The following SHOX variants were observed in gnomAD, a reference collection of about 807,000 sequenced individuals.
SHOX encodes the protein SHOX homeobox.
SHOX carries 12 observed loss-of-function variants against 29.6 expected under a neutral mutation model. The ratio of observed to expected loss-of-function variants is 0.41; its 90% CI spans 0.26 to 0.66. The LOEUF (loss-of-function observed/expected upper bound fraction) is 0.66, where lower values mean the gene tolerates loss of function less well. Among genes scored for constraint, SHOX ranks in the 30% least tolerant of loss-of-function variants. The pLI is 0.35. For synonymous variants in SHOX, 214 were observed against 200.6 expected (o/e 1.07, Z -0.57); for missense variants, 499 against 437.7 (o/e 1.14, Z -1.25).
Position 650,369 on chromosome X carries a change from A to G in SHOX, c.*5733A>G, listed in dbSNP as rs371479429. Among the ~76,000 whole-genome samples, 11 of 152,066 alleles carry G rather than the reference A, an allele frequency of 7.2e-5. 1 individual carries two copies. The highest frequency in any genetic ancestry group is 5.8e-4 in the East Asian group (3 of 5,148). On this transcript the variant is annotated 3_prime_UTR_variant, in exon 5 of 5. Transcript: ENST00000686671. ...CCAGCCAGGCCCCCGAAATGGTCCC[A>G]TTTCCTTGGAAGCCTGAGTTTCTGT...
At chrX:656,249 C>T (rs924487816), downstream of SHOX, among the ~76,000 whole-genome samples, 1 of 147,736 alleles carries the variant, frequency 6.8e-6, no homozygotes, top group African/African-American at 2.5e-5. Flanking sequence ...CGAGACCAAC[C>T]TCAGCAACAA....
chrX:656,050 T>C (rs1158635824), downstream of SHOX, among the ~76,000 whole-genome samples: 4 of 145,974 alleles, frequency 2.7e-5, no homozygotes, highest in African/African-American at 7.8e-5. Context: ...TGGTGACTCA[T>C]GCCTGTAATC....
intron 2 of SHOX, among the ~76,000 whole-genome samples, chrX:637,826 T>C (rs1228972760): frequency 6.6e-6 from 1 of 152,166 alleles, no homozygotes. Flanking sequence ...GGATAGAGTT[T>C]CAATTTACTG....
At position 649,863 on chromosome X, in the gene SHOX, C is replaced by T. The variant is rs1368749597; in HGVS notation, c.*5227C>T. The T allele has an allele frequency of 6.6e-6, 3 of 455,092 alleles. No homozygotes were observed. The highest frequency in any genetic ancestry group is 2.0e-5 in the African/African-American group (1 of 50,016). The allele number at this position is 455,092 out of a possible 1,614,324, so 28.2% of individuals were successfully genotyped here. ...GCAGTTGAGCAAAAAACACTTCTTC[C>T]TTTGAGTGGCTGTTCTGGTGAAATC... is the stretch of plus-strand genomic sequence containing the variant. On this transcript the variant is annotated 3_prime_UTR_variant, in exon 5 of 5. Coordinates refer to ENST00000686671, the MANE Select transcript of SHOX (RefSeq NM_000451.4).
chrX:640,885 G>A lies in SHOX; in HGVS notation c.544+7G>A. 1.2e-6 allele frequency: 2 copies of A among 1,613,936 alleles called. No individual in the cohort carries two copies. The highest frequency in any genetic ancestry group is 1.7e-6 in the Non-Finnish European group (2 of 1,179,870). On this transcript the variant is annotated splice_region_variant and intron_variant, in intron 3 of 4. Transcript: ENST00000686671. ...GAGAATCAGATGCATAAAGGTGGGTGTCGGGACTGGGGGGACCTGAAGCTG... is the reference window on the plus strand; with the variant it reads ...GAGAATCAGATGCATAAAGGTGGGTATCGGGACTGGGGGGACCTGAAGCTG...
At chrX:636,947 A>AAAAAAAATAT (rs1556463874) in intron 2 of SHOX, among the ~76,000 whole-genome samples, 1 of 78,956 alleles carries the variant, frequency 1.3e-5, no homozygotes, top group East Asian at 4.0e-4. Context: ...TTCATTTAAA[A>AAAAAAAATAT]ATATATATAT....
intron 1 of SHOX, among the ~76,000 whole-genome samples, chrX:633,649 C>G (rs1290082553): frequency 3.3e-5 from 5 of 152,050 alleles, no homozygotes; most frequent in African/African-American, 1.2e-4. Context: ...ACTAAACTTC[C>G]AAATGTCAGC....
intron 4 of SHOX, among the ~76,000 whole-genome samples, chrX:644,151 G>C (rs2052919659): frequency 6.6e-6 from 1 of 152,152 alleles, no homozygotes; most frequent in Non-Finnish European, 1.5e-5. Context: ...CCTCCCATGC[G>C]CTTTGCAGGG....
intron 4 of SHOX, among the ~76,000 whole-genome samples, chrX:642,812 G>A (rs754148567): frequency 6.6e-5 from 10 of 152,044 alleles, no homozygotes; most frequent in African/African-American, 2.2e-4. Flanking sequence ...AAGAGGCTTG[G>A]ACACCTGGTG....
At chrX:657,078 C>T (rs866320791) in intron 5 of SHOX, among the ~76,000 whole-genome samples, 2 of 48,466 alleles carry the variant, frequency 4.1e-5, no homozygotes, top group Non-Finnish European at 7.7e-5. Context: ...AGCAAGACTC[C>T]GTCTCAAAAA....
chrX:625,626 T>C (rs755319840), intron 1 of SHOX, among the ~76,000 whole-genome samples: 1 of 151,396 alleles, frequency 6.6e-6, no homozygotes, highest in South Asian at 2.1e-4. Flanking sequence ...TCTGTCTCTG[T>C]CTGTATCTCT....
chrX:631,370 G>C (rs1472088146), intron 1 of SHOX, among the ~76,000 whole-genome samples, 196 bp downstream of exon 1: 1 of 152,180 alleles, frequency 6.6e-6, no homozygotes, highest in Non-Finnish European at 1.5e-5. Context: ...GCGGGTGGTG[G>C]GTAGCGGGGT....
rs1469067058 is a variant in SHOX, at chrX:651,285, T to C, written c.*6649T>C. 2 of 455,826 alleles carry C rather than the reference T, an allele frequency of 4.4e-6. No homozygotes were observed. The highest frequency in any genetic ancestry group is 1.4e-4 in the East Asian group (2 of 14,364). The allele number at this position is 455,826 out of a possible 1,614,324, so 28.2% of individuals were successfully genotyped here. A position where few individuals can be genotyped will look rare whatever the true frequency, so the allele number is the denominator to read the frequency against. ...CGGGTTACAAATACATCTACAGATA[T>C]TTTCAGGGATTGCTTCAGATGAAAA... On this transcript the variant is annotated 3_prime_UTR_variant, in exon 5 of 5. Transcript: ENST00000686671.
At chrX:652,004 C>G (rs1323144159), downstream of SHOX, among the ~76,000 whole-genome samples, 6 of 152,052 alleles carry the variant, frequency 3.9e-5, no homozygotes, top group Non-Finnish European at 7.4e-5. Context: ...CTCACCGCGA[C>G]CTCCGCCTCC....
intron 5 of SHOX, among the ~76,000 whole-genome samples, chrX:658,471 CT>C (rs777890718): frequency 0.26 from 34,158 of 133,900 alleles, 3,354 homozygotes; most frequent in African/African-American, 0.39. Flanking sequence ...AAAAAGAACT[CT>C]TTTTTTTTTT....
chrX:640,294 G>A lies in SHOX; in HGVS notation c.487-527G>A, dbSNP rs1338696006. ...TGGGAGGTGGAGGTTGCAGGGAGGC[G>A]AGATAGTGCCACTGCAGTCCAGCCT... On this transcript the variant is annotated intron_variant, in intron 2 of 4. Transcript: ENST00000686671. Among the ~76,000 whole-genome samples the A allele has an allele frequency of 3.3e-5, 5 of 152,032 alleles. No homozygotes were observed. The South Asian group carries it at 6.2e-4, about 19-fold the overall frequency.
chrX:631,202 G>C, intron 1 of SHOX, 28 bp downstream of exon 1: 1 of 1,611,956 alleles, frequency 6.2e-7, no homozygotes, highest in Middle Eastern at 1.7e-4. Flanking sequence ...CCGGCTCCAG[G>C]GGGGCCCTCC....
chrX:634,940 G>C (rs907791677), intron 2 of SHOX, 114 bp downstream of exon 2: 1 of 1,175,278 alleles, frequency 8.5e-7, no homozygotes, highest in South Asian at 1.5e-5. Context: ...TTCCCGGAGC[G>C]CGGGGAGGTT....
At chrX:641,757 C>A (rs1181900964) in intron 4 of SHOX, among the ~76,000 whole-genome samples, 2 of 151,438 alleles carry the variant, frequency 1.3e-5, no homozygotes, top group Non-Finnish European at 2.9e-5. Context: ...CAAGCCCAAA[C>A]AGAAATCTGA....
Sources: gnomAD v4.1 joint callset for allele counts (sites outside exome capture counted in the v4.1 genomes callset) on GRCh38, gnomAD v4.1.1 for gene constraint, MANE v1.5 for transcripts, NCBI Gene and HGNC (gene_info 2026-07-23, HGNC 2026-07-21) for gene names.